PDXDC1: variants seen among roughly 807,000 people sequenced by gnomAD.
PDXDC1 encodes the protein pyridoxal-dependent decarboxylase domain-containing protein 1.
A neutral mutation model predicts 100.1 loss-of-function variants in PDXDC1; 42 were observed. The ratio of observed to expected loss-of-function variants is 0.42; its 90% confidence interval spans 0.33 to 0.54. The LOEUF is 0.54. Among genes scored for constraint, PDXDC1 ranks in the 20% least tolerant of loss-of-function variants. The pLI, the probability that PDXDC1 is intolerant of heterozygous loss-of-function variation, is 0.10. For missense variants in PDXDC1, 636 were observed against 979.2 expected (o/e 0.65, Z 4.68); for synonymous variants, 260 against 371.7 (o/e 0.70, Z 3.46).
At chr16:15,021,628 G>C (rs1454568622) in intron 12 of PDXDC1, among the ~76,000 whole-genome samples, 2 of 152,294 alleles carry the variant, frequency 1.3e-5, no homozygotes, top group Non-Finnish European at 1.5e-5. Flanking sequence ...CACAGCTCTG[G>C]CATCTTCCTG....
At chr16:15,148,828 A>C in the PDXDC1 span, among the ~76,000 whole-genome samples, 9 of 152,174 alleles carry the variant, frequency 5.9e-5, no homozygotes, top group East Asian at 1.7e-3. Flanking sequence ...CCACATTCCC[A>C]ACTGCTACAG....
chr16:14,998,919 C>T (rs1053327990), intron 3 of PDXDC1, among the ~76,000 whole-genome samples: 14 of 152,264 alleles, frequency 9.2e-5, no homozygotes, highest in South Asian at 4.1e-4. Context: ...TCTCCCTCTC[C>T]CATTTGGAAT....
At chr16:15,122,858 G>GGGAGGGGAAGC (rs1178576721) in intron 16 of PDXDC1, among the ~76,000 whole-genome samples, 1 of 132,478 alleles carries the variant, frequency 7.5e-6, no homozygotes, top group Non-Finnish European at 1.6e-5. Context: ...GGAGGGGAAG[G>GGGAGGGGAAGC]GGGGAGTAAG....
intron 16 of PDXDC1, chr16:15,094,262 T>C: frequency 6.6e-7 from 1 of 1,511,402 alleles, no homozygotes; most frequent in Non-Finnish European, 9.0e-7. Flanking sequence ...CCGCTGCGCC[T>C]CAGGCCGGAT....
intron 6 of PDXDC1, among the ~76,000 whole-genome samples, 194 bp downstream of exon 6, chr16:15,006,777 C>A (rs1188331250): frequency 6.6e-6 from 1 of 152,276 alleles, no homozygotes; most frequent in Non-Finnish European, 1.5e-5. Flanking sequence ...CAGGGGCATC[C>A]ACAGTCAACA....
chr16:14,995,891 T>C (rs1971854005), intron 1 of PDXDC1, among the ~76,000 whole-genome samples: 2 of 152,300 alleles, frequency 1.3e-5, no homozygotes, highest in South Asian at 4.1e-4. Context: ...TGTTGAGGAA[T>C]GTATCCATTT....
chr16:15,024,932 C>T (rs370660134), intron 13 of PDXDC1, among the ~76,000 whole-genome samples: 1 of 152,300 alleles, frequency 6.6e-6, no homozygotes, highest in African/African-American at 2.4e-5. Flanking sequence ...TACAGACTCA[C>T]CACTGTGCCT....
At position 15,055,232 on chromosome 16, in the gene PDXDC1, G is replaced by C. The variant is rs551056037; in HGVS notation, c.1399+25176G>C. Among the ~76,000 whole-genome samples, 370 of 152,260 alleles carry C rather than the reference G, an allele frequency of 2.4e-3. 1 individual carries two copies. Among genetic ancestry groups the C allele is most frequent in the Non-Finnish European group, 3.7e-3 (255 of 68,022 alleles). On this transcript the variant is annotated intron_variant, in intron 16 of 16. Transcript: ENST00000535621. ...CCCCTTGCCAACAGTCCCTGCATAA[G>C]CGTGGACAAGAGTTCAGAGATCTAT...
intron 16 of PDXDC1, chr16:15,085,625 C>T (rs779086836): frequency 6.2e-7 from 1 of 1,611,126 alleles, no homozygotes; most frequent in African/African-American, 1.3e-5. Context: ...GGCTTTAAAC[C>T]TTTTTATACT....
At chr16:15,019,997 A>C (rs2042060808) in intron 12 of PDXDC1, among the ~76,000 whole-genome samples, 1 of 152,030 alleles carries the variant, frequency 6.6e-6, no homozygotes, top group Admixed American at 6.6e-5. Context: ...CTGTAGTCCC[A>C]GCTGCTCAGG....
intron 16 of PDXDC1, chr16:15,127,843 C>A (rs1428557136): frequency 1.3e-6 from 2 of 1,565,748 alleles, no homozygotes; most frequent in South Asian, 2.3e-5. Flanking sequence ...GTCAAAGAAG[C>A]CGCACTGCAG....
chr16:15,035,572 C>G lies in PDXDC1; in HGVS notation c.2107+19C>G, dbSNP rs1300043390. 4.7e-6 allele frequency: 7 copies of G among 1,486,902 alleles called. No homozygotes were observed. The highest frequency in any genetic ancestry group is 6.5e-6 in the Non-Finnish European group (7 of 1,077,104). The allele number at this position is 1,486,902 out of a possible 1,614,324, so 92.1% of individuals were successfully genotyped here. A position where few individuals can be genotyped will look rare whatever the true frequency, so the allele number is the denominator to read the frequency against. On this transcript the variant is annotated intron_variant, in intron 22 of 22. Transcript: ENST00000396410. ...CTTCCAGGTAAGTGACGCCTCTGCA[C>G]CGAGTTCAGGTAACAGGTTTCCCCT... is the stretch of plus-strand genomic sequence containing the variant.
chr16:15,128,778 C>G (rs1160591507), intron 16 of PDXDC1, among the ~76,000 whole-genome samples: 1 of 151,990 alleles, frequency 6.6e-6, no homozygotes, highest in Non-Finnish European at 1.5e-5. Context: ...GTGTCACCTC[C>G]TCTCCCAGTG....
intron 16 of PDXDC1, among the ~76,000 whole-genome samples, chr16:15,063,736 CAA>C (rs2044827991): frequency 7.1e-6 from 1 of 140,664 alleles, no homozygotes; most frequent in Non-Finnish European, 1.6e-5. Context: ...AAAAACAAAA[CAA>C]AAAAACAACC....
chr16:15,036,353 C>T lies in PDXDC1; in HGVS notation c.*78C>T, dbSNP rs1463897329. On this transcript the variant is annotated 3_prime_UTR_variant, in exon 23 of 23. Coordinates refer to ENST00000396410, the MANE Select transcript of PDXDC1 (RefSeq NM_015027.4). ...GTTCTATTGGAAATGTGAACTGTGCCACATACTAATATAAATTACTGTTGT... is the reference window on the plus strand; with the variant it reads ...GTTCTATTGGAAATGTGAACTGTGCTACATACTAATATAAATTACTGTTGT... 7.7e-7 allele frequency: 1 copy of T among 1,291,968 alleles called. No individual in the cohort carries two copies. The highest frequency in any genetic ancestry group is 1.1e-6 in the Non-Finnish European group (1 of 922,588). 80.0% of individuals were successfully genotyped at this position (1,291,968 alleles called of 1,614,324 possible).
chr16:15,023,858 C>T (rs1159795994), intron 13 of PDXDC1, among the ~76,000 whole-genome samples: 4 of 152,268 alleles, frequency 2.6e-5, no homozygotes, highest in African/African-American at 9.6e-5. Context: ...ACAGGGTGGC[C>T]CTGTGACATT....
chr16:15,096,002 C>T (rs1255887224), intron 16 of PDXDC1, among the ~76,000 whole-genome samples: 1 of 152,034 alleles, frequency 6.6e-6, no homozygotes, highest in African/African-American at 2.4e-5. Context: ...CACTTGAGCC[C>T]TGGAGGTCAA....
rs376962181 is a variant in PDXDC1 at position 15,034,385 on chromosome 16, C to G, written c.1905+7C>G. 15 of 1,613,250 alleles carry G rather than the reference C, an allele frequency of 9.3e-6. No homozygotes were observed. The highest frequency in any genetic ancestry group is 1.3e-5 in the Non-Finnish European group (15 of 1,179,842). On this transcript the variant is annotated splice_region_variant and intron_variant, in intron 20 of 22. Coordinates refer to ENST00000396410, the MANE Select transcript of PDXDC1 (RefSeq NM_015027.4). ...AGAACGGCTTCTGGAAGAGGTGAGG[C>G]CCCCGATGGGCAGCAGGCTGGGGGA...
chr16:15,007,665 T>C (rs925445072), intron 6 of PDXDC1, among the ~76,000 whole-genome samples: 5 of 152,280 alleles, frequency 3.3e-5, no homozygotes, highest in East Asian at 1.9e-4. Context: ...TTAAATTGAT[T>C]CTGAGCTGTG....
Sources: allele counts gnomAD v4.1 joint callset (sites outside exome capture counted in the v4.1 genomes callset), GRCh38; gene constraint gnomAD v4.1.1; transcripts MANE v1.5; gene names NCBI Gene and HGNC (gene_info 2026-07-23, HGNC 2026-07-21).